The following RANBP2 variants were observed in gnomAD, a reference collection of about 807,000 sequenced individuals.
RANBP2 encodes the protein RAN binding protein 2, also known as E3 SUMO-protein ligase RanBP2.
In RANBP2, 57 loss-of-function variants were observed where a neutral mutation model predicts 303.6. The observed-to-expected ratio is 0.19, with a 90% CI of 0.15 to 0.23. RANBP2 has a LOEUF of 0.23. RANBP2 is among the 10% of genes least tolerant of loss of function. RANBP2 has a pLI of 1.00. For missense variants in RANBP2, 3,138 were observed against 3,780.8 expected, an observed-to-expected ratio of 0.83 and a Z score of 4.46; for synonymous variants, 1,167 against 1,301.5, an observed-to-expected ratio of 0.90 and a Z score of 2.23.
the RANBP2 span, among the ~76,000 whole-genome samples, chr2:108,973,039 T>A: frequency 6.6e-6 from 1 of 152,186 alleles, no homozygotes; most frequent in African/African-American, 2.4e-5. Context: ...CAGGCTAGAC[T>A]GCAGTGGCGC....
At chr2:109,083,741 G>A in the RANBP2 span, among the ~76,000 whole-genome samples, 7 of 152,030 alleles carry the variant, frequency 4.6e-5, no homozygotes, top group Non-Finnish European at 8.8e-5. Flanking sequence ...GTTTTCTGCC[G>A]TGGCTGCACC....
the RANBP2 span, among the ~76,000 whole-genome samples, chr2:108,858,695 T>C: frequency 0.028 from 4,331 of 152,116 alleles, 193 homozygotes; most frequent in African/African-American, 0.1. Context: ...TCATGCTATT[T>C]TTTTCTTTTT....
At chr2:109,760,514 G>A in the RANBP2 span, 9 of 954,632 alleles carry the variant, frequency 9.4e-6, 1 homozygote, top group South Asian at 4.9e-5. Flanking sequence ...CGGGGAGCGG[G>A]TGAGTGCGCC....
At chr2:109,405,994 G>A in the RANBP2 span, among the ~76,000 whole-genome samples, 2 of 152,196 alleles carry the variant, frequency 1.3e-5, no homozygotes, top group African/African-American at 2.4e-5. Context: ...CCCAACTCCC[G>A]CAGGCCCGGC....
chr2:109,011,422 A>G, the RANBP2 span, among the ~76,000 whole-genome samples: 1 of 152,090 alleles, frequency 6.6e-6, no homozygotes, highest in Non-Finnish European at 1.5e-5. Context: ...AGCCATCCTG[A>G]TTCCTGGTCT....
At chr2:108,843,448 G>A in the RANBP2 span, among the ~76,000 whole-genome samples, 5 of 152,184 alleles carry the variant, frequency 3.3e-5, no homozygotes, top group African/African-American at 7.2e-5. Context: ...ATAAGCCACC[G>A]CACCTGGCCT....
At chr2:108,757,774 G>A (rs1442920988) in intron 17 of RANBP2, among the ~76,000 whole-genome samples, 3 of 152,126 alleles carry the variant, frequency 2.0e-5, no homozygotes, top group African/African-American at 7.2e-5. Flanking sequence ...TTTTTGAGCA[G>A]GGAATTGTCT....
the RANBP2 span, among the ~76,000 whole-genome samples, chr2:109,466,797 CTA>C: frequency 2.3e-4 from 35 of 151,760 alleles, no homozygotes; most frequent in African/African-American, 7.5e-4. Context: ...ATGTGTGTAT[CTA>C]TATGTGTGTA....
In RANBP2 at chr2:108,766,009, G is replaced by C; in HGVS notation, c.5470G>C (p.Gly1824Arg). 1 of 1,614,110 alleles carries C rather than the reference G, an allele frequency of 6.2e-7. No homozygotes were observed. ...IAEAPSAFTL[G>R]SEMKLHDSSG... is the part of the protein sequence containing the mutation. ...AGAAGCTCCTTCAGCTTTCACACTG[G>C]GCTCAGAAATGAAGTTGCATGACTC... is the stretch of plus-strand genomic sequence containing the variant. The change falls in exon 20 of 29, where the codon GGC (glycine) becomes CGC (arginine). Residue 1824 changes from glycine (G) to arginine (R), a missense_variant. Gly to Arg is a moderately radical substitution (Grantham distance 125). Coordinates refer to ENST00000283195, the MANE Select transcript of RANBP2 (RefSeq NM_006267.5).
the RANBP2 span, among the ~76,000 whole-genome samples, chr2:109,582,728 C>T: frequency 1.3e-5 from 2 of 152,152 alleles, no homozygotes; most frequent in Non-Finnish European, 2.9e-5. Flanking sequence ...CAAAGCAATA[C>T]TAAGCAAAAG....
At chr2:109,427,097 T>C in the RANBP2 span, among the ~76,000 whole-genome samples, 1 of 152,108 alleles carries the variant, frequency 6.6e-6, no homozygotes, top group Admixed American at 6.5e-5. Flanking sequence ...GCCTCCCTAG[T>C]AGCTGGGGTT....
chr2:109,201,446 A>G, the RANBP2 span, among the ~76,000 whole-genome samples: 8 of 152,184 alleles, frequency 5.3e-5, no homozygotes, highest in East Asian at 1.6e-3. Flanking sequence ...CTCAGCCGCC[A>G]CAGGCCAGCA....
At chr2:109,585,905 G>T in the RANBP2 span, 2 of 1,169,178 alleles carry the variant, frequency 1.7e-6, no homozygotes, top group South Asian at 1.3e-5. Flanking sequence ...TAGGATGTAG[G>T]CACACTTGAA....
chr2:109,044,785 G>A, the RANBP2 span, among the ~76,000 whole-genome samples: 1 of 152,062 alleles, frequency 6.6e-6, no homozygotes, highest in African/African-American at 2.4e-5. Flanking sequence ...TGTTCAACTC[G>A]TGTTGGGGCA....
chr2:109,378,856 C>T, the RANBP2 span, among the ~76,000 whole-genome samples: 19 of 152,196 alleles, frequency 1.2e-4, no homozygotes, highest in Admixed American at 5.9e-4. Flanking sequence ...AGTTCTTTCC[C>T]CAGTGCTGGA....
the RANBP2 span, among the ~76,000 whole-genome samples, chr2:109,145,622 A>G: frequency 1.3e-5 from 2 of 152,178 alleles, no homozygotes; most frequent in Non-Finnish European, 2.9e-5. Context: ...TGCTATCGCC[A>G]TGCGTTTCTA....
chr2:108,788,745 T>C (rs1679390483), downstream of RANBP2: 1 of 1,448,410 alleles, frequency 6.9e-7, no homozygotes, highest in Middle Eastern at 2.5e-4. Context: ...AAAAAAAATT[T>C]GAGAGAGAAG....
At chr2:109,145,813 G>A in the RANBP2 span, among the ~76,000 whole-genome samples, 1 of 152,194 alleles carries the variant, frequency 6.6e-6, no homozygotes, top group Non-Finnish European at 1.5e-5. Context: ...GGGGTGTAGT[G>A]GCCAGTGGCA....
the RANBP2 span, among the ~76,000 whole-genome samples, chr2:109,214,473 G>GA: frequency 3.4e-3 from 449 of 130,216 alleles, 3 homozygotes; most frequent in Middle Eastern, 0.042. Flanking sequence ...ATAGAAAAGA[G>GA]AAAAAAAAAA....
Sources: allele counts gnomAD v4.1 joint callset (sites outside exome capture counted in the v4.1 genomes callset), GRCh38; gene constraint gnomAD v4.1.1; transcripts MANE v1.5; gene names NCBI Gene and HGNC (gene_info 2026-07-23, HGNC 2026-07-21).